Variants in AMOTL1 observed in about 807,000 individuals in gnomAD.
AMOTL1 encodes angiomotin-like protein 1.
AMOTL1 carries 45 observed loss-of-function variants against 102.9 expected under a neutral mutation model. The observed-to-expected ratio is 0.44, with a 90% CI of 0.34 to 0.56. The LOEUF is 0.56. Ranked by LOEUF, AMOTL1 falls within the 20% of genes least tolerant of loss-of-function variation. The pLI, the probability that AMOTL1 is intolerant of heterozygous loss-of-function variation, is 0.01. For missense variants in AMOTL1, 1,114 were observed against 1,225.6 expected, an observed-to-expected ratio of 0.91 and a Z score of 1.36; for synonymous variants, 481 against 484.7, an observed-to-expected ratio of 0.99 and a Z score of 0.10.
At chr11:94,717,445 C>A in intron 1 of AMOTL1, among the ~76,000 whole-genome samples, 1 of 150,156 alleles carries the variant, frequency 6.7e-6, no homozygotes, top group Non-Finnish European at 1.5e-5. Context: ...AATAAAGAGT[C>A]CAGAAAGAGC....
At position 94,795,052 on chromosome 11, in the gene AMOTL1, G is replaced by A. The variant is rs770815883; in HGVS notation, c.91G>A (p.Val31Ile). 1 of 1,613,608 alleles carries A rather than the reference G, an allele frequency of 6.2e-7. No homozygotes were observed. Among genetic ancestry groups the A allele is most frequent in the East Asian group, 2.2e-5 (1 of 44,864 alleles). The change falls in exon 2 of 13, where the codon GTT becomes ATT. Residue 31 changes from valine (V) to isoleucine (I), a missense_variant. By Grantham distance (29) the Val-to-Ile change is conservative (BLOSUM62 3). Coordinates refer to ENST00000433060, the MANE Select transcript of AMOTL1 (RefSeq NM_130847.3). ...ACYSPSSPVQ[V>I]LEDSTYFSPD... is the part of the protein sequence containing the mutation. ...TTATAGCCCCAGTAGTCCTGTCCAG[G>A]TTCTAGAAGACTCCACCTACTTTTC...
intron 1 of AMOTL1, among the ~76,000 whole-genome samples, chr11:94,770,558 G>T (rs1304909470): frequency 6.6e-6 from 1 of 152,094 alleles, no homozygotes; most frequent in African/African-American, 2.4e-5. Flanking sequence ...AAACCTGCAG[G>T]TGGATAGGAG....
At chr11:94,822,897 G>T (rs1338123437) in intron 4 of AMOTL1, among the ~76,000 whole-genome samples, 1 of 152,152 alleles carries the variant, frequency 6.6e-6, no homozygotes, top group Non-Finnish European at 1.5e-5. Flanking sequence ...CTTTCTGGGG[G>T]TGAGGAGGCA....
At chr11:94,783,305 T>C (rs1445304579) in intron 1 of AMOTL1, among the ~76,000 whole-genome samples, 1 of 152,182 alleles carries the variant, frequency 6.6e-6, no homozygotes, top group African/African-American at 2.4e-5. Flanking sequence ...AACAATACCC[T>C]CCACATAGAA....
chr11:94,765,419 T>G (rs545041205), upstream of AMOTL1, among the ~76,000 whole-genome samples: 3 of 152,322 alleles, frequency 2.0e-5, no homozygotes, highest in South Asian at 6.2e-4. Flanking sequence ...AGTCTTTTTT[T>G]GCAGGCCTTA....
At chr11:94,716,251 C>T (rs1264420189) in intron 1 of AMOTL1, among the ~76,000 whole-genome samples, 1 of 152,034 alleles carries the variant, frequency 6.6e-6, no homozygotes, top group Non-Finnish European at 1.5e-5. Context: ...TGATGTGTTT[C>T]AAGAAAATCT....
intron 9 of AMOTL1, among the ~76,000 whole-genome samples, chr11:94,863,567 G>A (rs1414656686): frequency 6.6e-6 from 1 of 151,974 alleles, no homozygotes; most frequent in Admixed American, 6.6e-5. Context: ...ACTCCAGTCT[G>A]GGCAACAAGA....
chr11:94,869,577 C>T, intron 12 of AMOTL1, 104 bp downstream of exon 12: 1 of 1,330,658 alleles, frequency 7.5e-7, no homozygotes, highest in Non-Finnish European at 1.0e-6. Flanking sequence ...CCCATCAGCT[C>T]TTACTCTATG....
At chr11:94,778,883 A>C (rs1174811656) in intron 1 of AMOTL1, among the ~76,000 whole-genome samples, 2 of 152,194 alleles carry the variant, frequency 1.3e-5, no homozygotes, top group Non-Finnish European at 2.9e-5. Context: ...GCTTCCTTAT[A>C]GGATCGGGCT....
chr11:94,870,278 C>T (rs146633007), intron 12 of AMOTL1, among the ~76,000 whole-genome samples: 3 of 152,196 alleles, frequency 2.0e-5, no homozygotes, highest in Non-Finnish European at 4.4e-5. Flanking sequence ...TAACTGTTTC[C>T]TCCAAGGGGG....
At chr11:94,850,710 C>G (rs1319775664) in intron 7 of AMOTL1, among the ~76,000 whole-genome samples, 1 of 152,194 alleles carries the variant, frequency 6.6e-6, no homozygotes, top group Non-Finnish European at 1.5e-5. Flanking sequence ...GGAGCAGAGG[C>G]CTAGCCAGGC....
chr11:94,849,896 A>G (rs905088328), intron 6 of AMOTL1, among the ~76,000 whole-genome samples: 4 of 152,190 alleles, frequency 2.6e-5, no homozygotes, highest in Non-Finnish European at 5.9e-5. Flanking sequence ...TGTACTGTTC[A>G]CAAGTGTGGC....
intron 6 of AMOTL1, among the ~76,000 whole-genome samples, chr11:94,837,767 A>G (rs921161928): frequency 6.6e-6 from 1 of 152,224 alleles, no homozygotes; most frequent in Non-Finnish European, 1.5e-5. Context: ...GGCCTTTAAC[A>G]ACTACACATG....
intron 1 of AMOTL1, among the ~76,000 whole-genome samples, chr11:94,786,068 CTTAA>C (rs969614004): frequency 1.6e-4 from 24 of 152,098 alleles, no homozygotes; most frequent in African/African-American, 2.9e-4. Flanking sequence ...ATTTCAGTAA[CTTAA>C]TTAAATATAG....
intron 1 of AMOTL1, among the ~76,000 whole-genome samples, chr11:94,707,951 T>C (rs1949957604): frequency 6.6e-6 from 1 of 152,162 alleles, no homozygotes; most frequent in Admixed American, 6.5e-5. Flanking sequence ...GCCTCCTCTC[T>C]CCAGTCTTAC....
At chr11:94,856,051 C>T (rs1226539322) in intron 8 of AMOTL1, among the ~76,000 whole-genome samples, 1 of 151,918 alleles carries the variant, frequency 6.6e-6, no homozygotes, top group Non-Finnish European at 1.5e-5. Flanking sequence ...TTAAAAATAA[C>T]ATTACAGTTT....
At chr11:94,764,604 A>C (rs1234820308), upstream of AMOTL1, among the ~76,000 whole-genome samples, 1 of 152,170 alleles carries the variant, frequency 6.6e-6, no homozygotes, top group East Asian at 1.9e-4. Flanking sequence ...AGTCATGTTC[A>C]TCCACTCTTC....
At chr11:94,706,871 A>G (rs1949937228) in intron 1 of AMOTL1, among the ~76,000 whole-genome samples, 1 of 152,178 alleles carries the variant, frequency 6.6e-6, no homozygotes, top group Non-Finnish European at 1.5e-5. Context: ...AGAGCTGTAT[A>G]ATGAGCATGT....
At chr11:94,856,266 TC>T (rs1319924234) in intron 8 of AMOTL1, among the ~76,000 whole-genome samples, 8 of 152,280 alleles carry the variant, frequency 5.3e-5, no homozygotes, top group South Asian at 4.1e-4. Context: ...TATTTTTTTT[TC>T]CTGTAATATT....
Sources: gnomAD v4.1 joint callset for allele counts (sites outside exome capture counted in the v4.1 genomes callset) on GRCh38, gnomAD v4.1.1 for gene constraint, MANE v1.5 for transcripts, NCBI Gene and HGNC (gene_info 2026-07-23, HGNC 2026-07-21) for gene names.